Variants in OSBPL7 observed in about 807,000 individuals in gnomAD.
OSBPL7 encodes the protein oxysterol binding protein like 7.
Under a neutral mutation model 115.8 loss-of-function variants are expected in OSBPL7, and 66 were observed. The observed-to-expected ratio is 0.57, with a 90% CI of 0.47 to 0.70. OSBPL7 has a LOEUF of 0.70. OSBPL7 is among the 30% of genes least tolerant of loss of function. The pLI is 0.00. For synonymous variants in OSBPL7, 441 were observed against 439.2 expected (o/e 1.00, Z -0.05); for missense variants, 902 against 1,125.5 (o/e 0.80, Z 2.84).
chr17:47,818,694 T>G, intron 5 of OSBPL7, 78 bp from the exon 6 acceptor site: 2 of 1,223,790 alleles, frequency 1.6e-6, no homozygotes, highest in Middle Eastern at 5.5e-4. Context: ...AGGGCTCTGG[T>G]CCCCAGACAA....
At position 47,808,634 on chromosome 17, in the gene OSBPL7, G is replaced by A; in HGVS notation, c.2324C>T (p.Ala775Val). 1 of 1,614,232 alleles carries A rather than the reference G, an allele frequency of 6.2e-7. No individual in the cohort carries two copies. The change falls in exon 22 of 23, where the codon GCC (alanine) becomes GTC (valine). Residue 775 changes from alanine (A) to valine (V), a missense_variant. By Grantham distance (64) the Ala-to-Val change is moderately conservative (BLOSUM62 0). Coordinates refer to ENST00000007414, the MANE Select transcript of OSBPL7 (RefSeq NM_145798.3). The surrounding 1 kb of genome is among the most constrained non-coding windows in gnomAD (Gnocchi z 6.1). Reference protein sequence around the residue: ...QRYLEEGNIQAAEAQKRRIEQ... With the variant: ...QRYLEEGNIQVAEAQKRRIEQ... ...GATCCTTCTCTTCTGGGCCTCAGCG[G>A]CCTGTATGTTCCCCTCCTCCAGGTA...
chr17:47,819,629 A>G, intron 4 of OSBPL7, 100 bp downstream of exon 4: 2 of 1,418,294 alleles, frequency 1.4e-6, no homozygotes, highest in Non-Finnish European at 2.0e-6. Flanking sequence ...TGGACCTGGG[A>G]TTCAGACCCT....
chr17:47,808,184 G>T lies in OSBPL7; in HGVS notation c.*107C>A. On this transcript the variant is annotated 3_prime_UTR_variant, in exon 23 of 23. Coordinates refer to ENST00000007414, the MANE Select transcript of OSBPL7 (RefSeq NM_145798.3). This position sits in a 1 kb window ranked among gnomAD's most constrained non-coding sequence, Gnocchi z 6.1. ...AGGGAGGGCCAGGGCTGCCCCTTTG[G>T]TCTCAAGGGCAGTGAGGCGGGGAGC... 1 of 840,116 alleles carries T rather than the reference G, an allele frequency of 1.2e-6. No individual in the cohort carries two copies. Among genetic ancestry groups the T allele is most frequent in the Admixed American group, 2.2e-5 (1 of 44,902 alleles). 52.0% of individuals were successfully genotyped at this position (840,116 alleles called of 1,614,324 possible).
intron 18 of OSBPL7, 71 bp downstream of exon 18, chr17:47,810,523 A>C: frequency 7.1e-7 from 1 of 1,400,748 alleles, no homozygotes; most frequent in Non-Finnish European, 1.0e-6. Context: ...CCTGTCCCTA[A>C]GGCCACGCCC....
rs9911983 is a variant in OSBPL7, at chr17:47,808,390, C to T, written c.2430G>A (p.Thr810=). 882,295 of 1,613,620 alleles carry T rather than the reference C, an allele frequency of 0.55. 247,662 individuals carry two copies. Among genetic ancestry groups the T allele is most frequent in the African/African-American group, 0.71 (53,452 of 74,948 alleles). Residue 810 remains threonine, a synonymous_variant, in exon 23 of 23, where the codon ACG becomes ACA. Transcript: ENST00000007414. This position sits in a 1 kb window ranked among gnomAD's most constrained non-coding sequence, Gnocchi z 6.1. ...VHQARFFRRQ[T]DSSGKEWWVT... ...CCCACCACTCTTTCCCGCTGCTATC[C>T]GTCTGCCGCCTGGTGGGAGAAGGCG...
At chr17:47,809,273 G>A in intron 19 of OSBPL7, 53 bp from the exon 20 acceptor site, 1 of 1,611,998 alleles carries the variant, frequency 6.2e-7, no homozygotes, top group Non-Finnish European at 8.5e-7. Context: ...CTTAGCCAGG[G>A]TGACCTCCAG....
In OSBPL7 at chr17:47,813,890, G is replaced by A. The variant is rs897569276; in HGVS notation, c.1352-56C>T. The A allele has an allele frequency of 6.5e-6, 10 of 1,543,772 alleles. No individual in the cohort carries two copies. In the African/African-American group the frequency reaches 1.2e-4, roughly 19 times the overall value. ...CTGGGCACCAGGCATCCCAGACATG[G>A]CAAGCCCACAGCCCAGTCCAGGGCC... On this transcript the variant is annotated intron_variant, in intron 14 of 22. Transcript: ENST00000007414.
intron 7 of OSBPL7, 24 bp from the exon 8 acceptor site, chr17:47,817,383 A>G (rs758249330): frequency 5.2e-6 from 8 of 1,533,060 alleles, no homozygotes; most frequent in African/African-American, 1.4e-5. Flanking sequence ...GAACAAGAAC[A>G]AGAACACCAT....
intron 13 of OSBPL7, chr17:47,814,852 A>G (rs2033164585): frequency 1.7e-6 from 1 of 580,250 alleles, no homozygotes; most frequent in Non-Finnish European, 3.1e-6. Flanking sequence ...AAGCTCAGGG[A>G]CTTGATGGGA....
intron 18 of OSBPL7, 131 bp downstream of exon 18, chr17:47,810,463 T>C: frequency 1.4e-6 from 1 of 720,408 alleles, no homozygotes; most frequent in East Asian, 2.7e-5. Flanking sequence ...CTACAGACAC[T>C]GACGCCACTG....
chr17:47,808,820 G>A lies in OSBPL7; in HGVS notation c.2297+44C>T, dbSNP rs1324666509. 4 of 1,611,384 alleles carry A rather than the reference G, an allele frequency of 2.5e-6. No homozygotes were observed. Among genetic ancestry groups the A allele is most frequent in the Admixed American group, 1.7e-5 (1 of 59,974 alleles). On this transcript the variant is annotated intron_variant, in intron 21 of 22. Coordinates refer to ENST00000007414, the MANE Select transcript of OSBPL7 (RefSeq NM_145798.3). This position sits in a 1 kb window ranked among gnomAD's most constrained non-coding sequence, Gnocchi z 6.1. The stretch of plus-strand genomic sequence containing the variant: ...GCCCCAGCTCTGTACTCTGTGGAGG[G>A]AGTGAACTAGATGGTTCTAGGCCGG...
At position 47,816,052 on chromosome 17, in the gene OSBPL7, G is replaced by T; in HGVS notation, c.1119+55C>A. The T allele has an allele frequency of 4.8e-6, 7 of 1,462,716 alleles. No individual in the cohort carries two copies. Among genetic ancestry groups the T allele is most frequent in the Non-Finnish European group, 6.4e-6 (7 of 1,086,316 alleles). 90.6% of individuals were successfully genotyped at this position (1,462,716 alleles called of 1,614,324 possible). On this transcript the variant is annotated intron_variant, in intron 12 of 22. Coordinates refer to ENST00000007414, the MANE Select transcript of OSBPL7 (RefSeq NM_145798.3). This position sits in a 1 kb window ranked among gnomAD's most constrained non-coding sequence, Gnocchi z 5.8. Reference sequence around the variant, plus strand: ...CCCACTGCCCTGGGCCTTGGCTTTCGCTGGGAGAGAAGGCACAGGAGAATC... The same window carrying T: ...CCCACTGCCCTGGGCCTTGGCTTTCTCTGGGAGAGAAGGCACAGGAGAATC...
At chr17:47,813,216 C>T (rs766882390) in intron 16 of OSBPL7, 50 bp downstream of exon 16, 12 of 1,605,838 alleles carry the variant, frequency 7.5e-6, no homozygotes, top group Non-Finnish European at 9.3e-6. Context: ...AGCCCAGGTC[C>T]CTCCTTGCCC....
intron 1 of OSBPL7, chr17:47,820,636 G>A: frequency 4.6e-6 from 1 of 215,878 alleles, no homozygotes; most frequent in Non-Finnish European, 9.3e-6. Flanking sequence ...ACATACTCTG[G>A]GGCTCCAAGA....
chr17:47,816,391 C>T lies in OSBPL7; in HGVS notation c.1020G>A (p.Met340Ile). ...CACCCTGTCCCCCAGGCCTCACCCC[C>T]ATTCTTGACAACTCTGAGCCCTGGT... ...DMHQGSELSR[M>I]GVSEASTGQR... The change falls in exon 11 of 23, where the codon ATG becomes ATA. Residue 340 changes from methionine (M) to isoleucine (I), a missense_variant. Around this residue, in one of 3 missense-constraint regions of OSBPL7, gnomAD observed 667 missense variants for 788.7 expected, o/e 0.85. Coordinates refer to ENST00000007414, the MANE Select transcript of OSBPL7 (RefSeq NM_145798.3). This position sits in a 1 kb window ranked among gnomAD's most constrained non-coding sequence, Gnocchi z 5.8. 1 of 1,511,794 alleles carries T rather than the reference C, an allele frequency of 6.6e-7. No individual in the cohort carries two copies. Among genetic ancestry groups the T allele is most frequent in the South Asian group, 1.3e-5 (1 of 76,770 alleles). 93.6% of individuals were successfully genotyped at this position (1,511,794 alleles called of 1,614,324 possible).
chr17:47,820,462 A>G (rs1274676013), intron 1 of OSBPL7, 97 bp from the exon 2 acceptor site: 3 of 597,176 alleles, frequency 5.0e-6, no homozygotes, highest in Non-Finnish European at 8.8e-6. Context: ...GCTCCCCAAC[A>G]TACCCTCTGC....
chr17:47,813,304 C>A lies in OSBPL7; in HGVS notation c.1699G>T (p.Glu567Ter). 1 of 1,614,108 alleles carries A rather than the reference C, an allele frequency of 6.2e-7. No homozygotes were observed. Among genetic ancestry groups the A allele is most frequent in the Non-Finnish European group, 8.5e-7 (1 of 1,180,038 alleles). The change falls in exon 16 of 23, where the codon GAG (glutamate) becomes TAG (stop). Residue 567 changes from glutamate to a stop codon, truncating the protein, a stop_gained. Coordinates refer to ENST00000007414, the MANE Select transcript of OSBPL7 (RefSeq NM_145798.3). LOFTEE classifies it high-confidence loss of function. Reference sequence around the variant, plus strand: ...AAGCGGAAGCCTCGGTCAGGCCGCTCACACTCGTAGGTCTCCCCCAGGACA... The same window carrying A: ...AAGCGGAAGCCTCGGTCAGGCCGCTAACACTCGTAGGTCTCCCCCAGGACA... ...NPVLGETYEC[E>*]RPDRGFRFIS...
rs1196951403 is a variant in OSBPL7, at chr17:47,818,347, C to T, written c.520G>A (p.Ala174Thr). ...AQLPTAATAS[A>T]LPGLGPREKV... ...TCCCGCGGTCCAAGCCCAGGTAGGGCTGAGGCAGTAGCTGCTGTTGGAAGC... is the reference window on the plus strand; with the variant it reads ...TCCCGCGGTCCAAGCCCAGGTAGGGTTGAGGCAGTAGCTGCTGTTGGAAGC... Residue 174 changes from alanine (A) to threonine (T), a missense_variant, in exon 7 of 23, where the codon GCC (alanine) becomes ACC (threonine). Around this residue, in one of 3 missense-constraint regions of OSBPL7, gnomAD observed 667 missense variants for 788.7 expected, o/e 0.85. Coordinates refer to ENST00000007414, the MANE Select transcript of OSBPL7 (RefSeq NM_145798.3). The T allele has an allele frequency of 1.4e-5, 23 of 1,614,174 alleles. No individual in the cohort carries two copies. The highest frequency in any genetic ancestry group is 1.9e-5 in the Non-Finnish European group (23 of 1,180,016).
At chr17:47,815,964 C>T (rs556218923) in intron 12 of OSBPL7, 143 bp downstream of exon 12, 1 of 652,344 alleles carries the variant, frequency 1.5e-6, no homozygotes, top group Middle Eastern at 2.7e-4. Flanking sequence ...TGCCGCTTAC[C>T]TTATGGGAAA....
Sources: gnomAD v4.1 joint callset for allele counts on GRCh38, gnomAD v4.1.1 for gene constraint, gnomAD v4.1.1 regional missense constraint, Gnocchi (gnomAD v3.1) non-coding constraint, MANE v1.5 for transcripts, NCBI Gene and HGNC (gene_info 2026-07-23, HGNC 2026-07-21) for gene names.